Variants in PIGU observed in about 807,000 individuals in gnomAD.
PIGU encodes the protein GPI-anchor transamidase component PIGU.
A neutral mutation model predicts 49.9 loss-of-function variants in PIGU; 24 were observed. The observed-to-expected ratio is 0.48, with a 90% CI of 0.35 to 0.68. PIGU has a LOEUF of 0.68. PIGU is among the 30% of genes least tolerant of loss of function. The pLI is 0.01. For missense variants in PIGU, 490 were observed against 532.6 expected (o/e 0.92, Z 0.79); for synonymous variants, 220 against 205.7 (o/e 1.07, Z -0.59).
rs1041522129 is a variant in PIGU at position 34,629,895 on chromosome 20, A to G, written c.529+4720T>C. Among the ~76,000 whole-genome samples the G allele has an allele frequency of 1.1e-4, 17 of 152,270 alleles. 1 individual carries two copies. The highest frequency in any genetic ancestry group is 3.9e-4 in the African/African-American group (16 of 41,480). On this transcript the variant is annotated intron_variant, in intron 6 of 11. Coordinates refer to ENST00000217446, the MANE Select transcript of PIGU (RefSeq NM_080476.5). Reference sequence around the variant, plus strand: ...CACAAAGAAAATAAGGGGAGATTATAGCAAAACCAACTTTAACACAATAGT... The same window carrying G: ...CACAAAGAAAATAAGGGGAGATTATGGCAAAACCAACTTTAACACAATAGT...
rs572406371 is a variant in PIGU at position 34,566,518 on chromosome 20, G to A, written c.1195-5539C>T. ...AGACAGGATGAATCAGAAGTAGAAC[G>A]AAACCCTCAGAACATGCTCTAGTGC... On this transcript the variant is annotated intron_variant, in intron 11 of 11. Transcript: ENST00000217446. Among the ~76,000 whole-genome samples, 66 of 152,312 alleles carry A rather than the reference G, an allele frequency of 4.3e-4. 2 individuals are homozygous for A. The South Asian group carries it at 0.013, about 31-fold the overall frequency.
At chr20:34,600,983 G>A (rs530117778) in intron 7 of PIGU, among the ~76,000 whole-genome samples, 1 of 151,752 alleles carries the variant, frequency 6.6e-6, no homozygotes, top group African/African-American at 2.4e-5. Context: ...GCAGTGAGCC[G>A]AGATGGTGCC....
At chr20:34,653,599 C>T (rs950839123) in intron 2 of PIGU, among the ~76,000 whole-genome samples, 2 of 152,150 alleles carry the variant, frequency 1.3e-5, no homozygotes, top group African/African-American at 4.8e-5. Context: ...GTATCCCTAA[C>T]ACCTAGCAGA....
intron 1 of PIGU, among the ~76,000 whole-genome samples, chr20:34,669,152 G>A (rs1470031243): frequency 2.0e-5 from 3 of 151,916 alleles, no homozygotes; most frequent in Non-Finnish European, 4.4e-5. Context: ...CTCCCAAAGT[G>A]CTGAGATTAT....
At chr20:34,647,863 T>G (rs1057181743) in intron 2 of PIGU, among the ~76,000 whole-genome samples, 1 of 152,206 alleles carries the variant, frequency 6.6e-6, no homozygotes, top group African/African-American at 2.4e-5. Context: ...ATATGACATG[T>G]AGGCTCAGTT....
chr20:34,666,180 C>T (rs1987086468), intron 1 of PIGU, among the ~76,000 whole-genome samples: 1 of 151,248 alleles, frequency 6.6e-6, no homozygotes, highest in Non-Finnish European at 1.5e-5. Context: ...AACAAGACTC[C>T]ATCTCAAAAA....
intron 6 of PIGU, among the ~76,000 whole-genome samples, chr20:34,623,713 C>T (rs1208526492): frequency 2.6e-5 from 4 of 152,136 alleles, no homozygotes; most frequent in African/African-American, 4.8e-5. Context: ...TAAGGAAGCA[C>T]GCTAAGCATT....
intron 7 of PIGU, among the ~76,000 whole-genome samples, chr20:34,595,276 A>C (rs1984158184): frequency 1.3e-5 from 2 of 152,122 alleles, no homozygotes; most frequent in African/African-American, 4.8e-5. Context: ...TTCCAAAAAA[A>C]ATTGTGTCTG....
At chr20:34,663,184 C>T (rs1986981396) in intron 1 of PIGU, among the ~76,000 whole-genome samples, 1 of 152,136 alleles carries the variant, frequency 6.6e-6, no homozygotes, top group Non-Finnish European at 1.5e-5. Flanking sequence ...GGATTACAGG[C>T]GTGAGCCACT....
intron 1 of PIGU, among the ~76,000 whole-genome samples, chr20:34,670,413 C>A (rs1438568778): frequency 6.6e-6 from 1 of 152,036 alleles, no homozygotes; most frequent in African/African-American, 2.4e-5. Flanking sequence ...CGGTCTCGAA[C>A]TCAAGCTCAA....
At chr20:34,672,236 C>T (rs998941840) in intron 1 of PIGU, among the ~76,000 whole-genome samples, 9 of 152,232 alleles carry the variant, frequency 5.9e-5, no homozygotes, top group South Asian at 2.1e-4. Context: ...CCACAAAACC[C>T]GGCCTGGAAA....
chr20:34,640,070 G>A (rs1205211407), intron 4 of PIGU, among the ~76,000 whole-genome samples: 7 of 152,154 alleles, frequency 4.6e-5, no homozygotes, highest in Non-Finnish European at 1.0e-4. Context: ...TCATCCAGGG[G>A]CAGCCAGACA....
intron 11 of PIGU, among the ~76,000 whole-genome samples, chr20:34,570,687 G>A (rs747041018): frequency 6.6e-6 from 1 of 152,124 alleles, no homozygotes; most frequent in Non-Finnish European, 1.5e-5. Context: ...GTGAGCCACC[G>A]CGCCCGGCCG....
rs541624392 is a variant in PIGU at position 34,650,190 on chromosome 20, G to A, written c.196-4856C>T. Among the ~76,000 whole-genome samples the A allele has an allele frequency of 7.2e-5, 11 of 151,996 alleles. No homozygotes were observed. In the East Asian group the frequency reaches 1.6e-3, roughly 21 times the overall value. The stretch of plus-strand genomic sequence containing the variant: ...TATGTTTTCTATTTCTAGAATTTCC[G>A]TTTGATTCATTTTTTACATACCCTG... On this transcript the variant is annotated intron_variant, in intron 2 of 11. Coordinates refer to ENST00000217446, the MANE Select transcript of PIGU (RefSeq NM_080476.5).
At chr20:34,634,851 TAA>T in intron 5 of PIGU, 136 bp from the exon 6 acceptor site, 1 of 1,396,498 alleles carries the variant, frequency 7.2e-7, no homozygotes, top group South Asian at 1.5e-5. Flanking sequence ...TTCCCCCAAA[TAA>T]AAGAGAATAG....
intron 9 of PIGU, among the ~76,000 whole-genome samples, chr20:34,582,595 G>A (rs1983527264): frequency 6.6e-6 from 1 of 152,062 alleles, no homozygotes; most frequent in Non-Finnish European, 1.5e-5. Flanking sequence ...TGGGAGGGTT[G>A]CTGGTGCCAG....
chr20:34,587,875 T>C (rs1322874248), intron 8 of PIGU, among the ~76,000 whole-genome samples: 3 of 152,228 alleles, frequency 2.0e-5, no homozygotes, highest in African/African-American at 7.2e-5. Context: ...ATATACCAAA[T>C]TTTCTTTATC....
intron 7 of PIGU, among the ~76,000 whole-genome samples, chr20:34,604,420 T>C (rs1756129079): frequency 6.6e-6 from 1 of 152,194 alleles, no homozygotes; most frequent in Non-Finnish European, 1.5e-5. Flanking sequence ...TGTTTTTACA[T>C]GTAAGTTCTT....
intron 6 of PIGU, among the ~76,000 whole-genome samples, chr20:34,625,973 TAC>T (rs1555800341): frequency 1.3e-5 from 2 of 148,520 alleles, no homozygotes; most frequent in African/African-American, 2.5e-5. Context: ...TATATATATA[TAC>T]ACACATACAC....
Sources: gnomAD v4.1 joint callset for allele counts (sites outside exome capture counted in the v4.1 genomes callset) on GRCh38, gnomAD v4.1.1 for gene constraint, MANE v1.5 for transcripts, NCBI Gene and HGNC (gene_info 2026-07-23, HGNC 2026-07-21) for gene names.